The following ADGRL2 variants were observed in gnomAD, a reference collection of about 807,000 sequenced individuals.
The protein encoded by ADGRL2 is adhesion G protein-coupled receptor L2, also known as calcium-independent alpha-latrotoxin receptor 2.
A neutral mutation model predicts 157.4 loss-of-function variants in ADGRL2; 44 were observed. The ratio of observed to expected loss-of-function variants is 0.28; its 90% CI spans 0.22 to 0.36. ADGRL2 has a LOEUF of 0.36. Ranked by LOEUF, ADGRL2 falls within the 10% of genes least tolerant of loss-of-function variation. The pLI, the probability that ADGRL2 is intolerant of heterozygous loss-of-function variation, is 1.00. For missense variants in ADGRL2, 1,510 were observed against 1,768.9 expected (o/e 0.85, Z 2.63); for synonymous variants, 585 against 624.7 (o/e 0.94, Z 0.95).
At chr1:81,899,734 T>A (rs1267278839) in intron 2 of ADGRL2, among the ~76,000 whole-genome samples, 1 of 152,144 alleles carries the variant, frequency 6.6e-6, no homozygotes, top group Non-Finnish European at 1.5e-5. Context: ...GTTGTTGAAA[T>A]AGAAATAGAC....
At chr1:81,706,072 G>A (rs539667197) in intron 1 of ADGRL2, among the ~76,000 whole-genome samples, 65 of 152,168 alleles carry the variant, frequency 4.3e-4, no homozygotes, top group African/African-American at 1.4e-3. Context: ...GGTCATGCAC[G>A]CCTGTAGTCC....
chr1:81,828,383 G>A (rs1198803002), intron 1 of ADGRL2, among the ~76,000 whole-genome samples: 1 of 152,042 alleles, frequency 6.6e-6, no homozygotes, highest in Non-Finnish European at 1.5e-5. Context: ...GGAAAATTCA[G>A]TAGTTTTTAT....
At chr1:81,632,946 A>C (rs1292020402) in intron 3 of ADGRL2, among the ~76,000 whole-genome samples, 5 of 152,168 alleles carry the variant, frequency 3.3e-5, no homozygotes, top group Non-Finnish European at 5.9e-5. Context: ...TGGCTATAAT[A>C]GATTTTTTTA....
chr1:81,850,458 C>T (rs1256370249), intron 2 of ADGRL2, among the ~76,000 whole-genome samples: 2 of 151,824 alleles, frequency 1.3e-5, no homozygotes, highest in East Asian at 1.9e-4. Context: ...CTAAGTGAAA[C>T]AAAATCTAAA....
chr1:81,684,872 C>T (rs1282646473), intron 3 of ADGRL2, among the ~76,000 whole-genome samples: 1 of 152,202 alleles, frequency 6.6e-6, no homozygotes, highest in Non-Finnish European at 1.5e-5. Context: ...ATAATCCCAG[C>T]ACCATTTGTT....
At chr1:81,829,507 A>G (rs756731819) in intron 1 of ADGRL2, among the ~76,000 whole-genome samples, 4 of 152,160 alleles carry the variant, frequency 2.6e-5, no homozygotes, top group Non-Finnish European at 4.4e-5. Context: ...TGTTGTTTTG[A>G]ATTTTCGTTA....
At chr1:81,313,290 C>T (rs1659877356) in intron 1 of ADGRL2, among the ~76,000 whole-genome samples, 1 of 152,202 alleles carries the variant, frequency 6.6e-6, no homozygotes, top group Non-Finnish European at 1.5e-5. Flanking sequence ...GGTCTTCTCA[C>T]AGTCAGTGAG....
intron 2 of ADGRL2, among the ~76,000 whole-genome samples, chr1:81,894,013 T>G (rs2094327455): frequency 6.6e-6 from 1 of 152,214 alleles, no homozygotes. Context: ...TTTTGGGAAT[T>G]GGTTTCTGTC....
rs1648883026 is a variant in ADGRL2 at position 81,943,869 on chromosome 1, A to G, written c.1210+100A>G. ...TTTTTCCTATTTTCTTCCCCTTTTC[A>G]TAGTTAAAGGACAAAGGACAATGTT... is the stretch of plus-strand genomic sequence containing the variant. On this transcript the variant is annotated intron_variant, in intron 6 of 23. Transcript: ENST00000686636. This position sits in a 1 kb window ranked among gnomAD's most constrained non-coding sequence, Gnocchi z 5.6. The G allele has an allele frequency of 5.7e-6, 5 of 874,742 alleles. No homozygotes were observed. Among genetic ancestry groups the G allele is most frequent in the Non-Finnish European group, 8.8e-6 (5 of 566,794 alleles). 54.2% of individuals were successfully genotyped at this position (874,742 alleles called of 1,614,324 possible).
At chr1:81,561,899 G>T (rs2080452039) in intron 2 of ADGRL2, among the ~76,000 whole-genome samples, 1 of 152,132 alleles carries the variant, frequency 6.6e-6, no homozygotes, top group African/African-American at 2.4e-5. Context: ...GCAAGATTCT[G>T]CTTTGTTTCA....
intron 1 of ADGRL2, among the ~76,000 whole-genome samples, chr1:81,828,331 A>G (rs2091671522): frequency 6.6e-6 from 1 of 152,216 alleles, no homozygotes. Flanking sequence ...AATCCTTACA[A>G]ATGTAGTGGA....
At chr1:81,787,325 G>A (rs987095511) in intron 2 of ADGRL2, among the ~76,000 whole-genome samples, 4 of 152,134 alleles carry the variant, frequency 2.6e-5, no homozygotes, top group African/African-American at 9.7e-5. Flanking sequence ...ATTTGTTTCT[G>A]TCAAGGCACC....
intron 1 of ADGRL2, among the ~76,000 whole-genome samples, chr1:81,357,520 T>C (rs1019713129): frequency 6.6e-6 from 1 of 152,216 alleles, no homozygotes. Flanking sequence ...TTTACCTCTT[T>C]ACTTTTTTGT....
At chr1:81,525,927 A>C (rs1417935634) in intron 2 of ADGRL2, among the ~76,000 whole-genome samples, 1 of 152,230 alleles carries the variant, frequency 6.6e-6, no homozygotes, top group African/African-American at 2.4e-5. Context: ...AAAGATGCAC[A>C]ATAAGGAAAG....
intron 6 of ADGRL2, among the ~76,000 whole-genome samples, chr1:81,945,478 T>C (rs1283916246): frequency 6.6e-6 from 1 of 152,138 alleles, no homozygotes; most frequent in Non-Finnish European, 1.5e-5. Context: ...ACCTGAAGAA[T>C]TGTGAATAAA....
chr1:81,504,119 G>T (rs1008594533), intron 2 of ADGRL2, among the ~76,000 whole-genome samples: 9 of 152,194 alleles, frequency 5.9e-5, no homozygotes, highest in Non-Finnish European at 7.3e-5. Flanking sequence ...GGCCCACAGG[G>T]CATCTGCTGA....
intron 3 of ADGRL2, among the ~76,000 whole-genome samples, chr1:81,591,878 T>C (rs1018496780): frequency 7.9e-5 from 12 of 152,140 alleles, no homozygotes; most frequent in African/African-American, 2.9e-4. Context: ...CAGTTGAGCC[T>C]TCTGGTGACA....
chr1:81,493,235 G>A (rs1204655048), intron 2 of ADGRL2, among the ~76,000 whole-genome samples: 1 of 152,174 alleles, frequency 6.6e-6, no homozygotes. Context: ...AAATGCAATA[G>A]CATGATAGCT....
intron 2 of ADGRL2, among the ~76,000 whole-genome samples, chr1:81,561,146 C>T (rs1328016507): frequency 6.6e-6 from 1 of 152,008 alleles, no homozygotes; most frequent in South Asian, 2.1e-4. Context: ...CCTTACGCTG[C>T]TCTACTCTTT....
Sources: allele counts gnomAD v4.1 joint callset (sites outside exome capture counted in the v4.1 genomes callset), GRCh38; gene constraint gnomAD v4.1.1; non-coding constraint Gnocchi (gnomAD v3.1); transcripts MANE v1.5; gene names NCBI Gene and HGNC (gene_info 2026-07-23, HGNC 2026-07-21).